The following LRRIQ3 variants were observed in gnomAD, a reference collection of about 807,000 sequenced individuals.
The protein encoded by LRRIQ3 is leucine-rich repeat and IQ domain-containing protein 3.
Under a neutral mutation model 59.3 loss-of-function variants are expected in LRRIQ3, and 75 were observed. The ratio of observed to expected loss-of-function variants is 1.26; its 90% CI spans 1.05 to 1.53. The LOEUF (loss-of-function observed/expected upper bound fraction) is 1.53. Among genes scored for constraint, LRRIQ3 ranks in the 40% most tolerant of loss-of-function variants. LRRIQ3 has a pLI of 0.00. For missense variants in LRRIQ3, 831 were observed against 710.0 expected (o/e 1.17, Z -1.94); for synonymous variants, 250 against 231.3 (o/e 1.08, Z -0.73).
At chr1:74,123,704 T>C (rs558920011) in intron 4 of LRRIQ3, among the ~76,000 whole-genome samples, 5 of 152,160 alleles carry the variant, frequency 3.3e-5, no homozygotes, top group African/African-American at 9.6e-5. Context: ...CATTCATTCA[T>C]TTGTTGATGG....
chr1:74,150,848 T>C (rs998703683), intron 4 of LRRIQ3, among the ~76,000 whole-genome samples: 12 of 152,042 alleles, frequency 7.9e-5, no homozygotes, highest in African/African-American at 2.9e-4. Context: ...TACTTATATA[T>C]CCAAGTTCCC....
At chr1:74,175,778 T>C (rs1241470688) in intron 3 of LRRIQ3, among the ~76,000 whole-genome samples, 1 of 152,158 alleles carries the variant, frequency 6.6e-6, no homozygotes, top group Non-Finnish European at 1.5e-5. Context: ...TATATTGTTT[T>C]TGTATATCTC....
intron 3 of LRRIQ3, among the ~76,000 whole-genome samples, chr1:74,168,540 ATC>A (rs1649134490): frequency 6.6e-6 from 1 of 152,078 alleles, no homozygotes; most frequent in Non-Finnish European, 1.5e-5. Flanking sequence ...CAATTTGCCA[ATC>A]TCTTTCTTAT....
chr1:74,077,871 A>T (rs1234711586), intron 5 of LRRIQ3, among the ~76,000 whole-genome samples: 1 of 151,960 alleles, frequency 6.6e-6, no homozygotes, highest in Non-Finnish European at 1.5e-5. Context: ...TTGAGCTCAT[A>T]GAGAAGGAAA....
At chr1:74,193,839 C>T (rs1650926798) in intron 1 of LRRIQ3, among the ~76,000 whole-genome samples, 3 of 151,848 alleles carry the variant, frequency 2.0e-5, no homozygotes, top group Admixed American at 2.0e-4. Flanking sequence ...CAGCTGTTAT[C>T]TGCATATAAA....
intron 5 of LRRIQ3, among the ~76,000 whole-genome samples, chr1:74,080,355 A>G (rs957968445): frequency 6.6e-6 from 1 of 151,740 alleles, no homozygotes; most frequent in Non-Finnish European, 1.5e-5. Flanking sequence ...GAGGAGCTAT[A>G]GAACTCTCCA....
chr1:74,149,015 T>G (rs572709640), intron 4 of LRRIQ3, among the ~76,000 whole-genome samples: 19 of 136,274 alleles, frequency 1.4e-4, no homozygotes, highest in Non-Finnish European at 3.0e-4. Flanking sequence ...TAATGTTAAA[T>G]TAACCTTGTA....
At chr1:74,030,252 A>G (rs997271487) in intron 7 of LRRIQ3, among the ~76,000 whole-genome samples, 3 of 151,968 alleles carry the variant, frequency 2.0e-5, no homozygotes, top group African/African-American at 7.3e-5. Flanking sequence ...CTTTCTTGGA[A>G]AAAACTACTT....
chr1:74,135,533 A>T (rs1236211287), intron 4 of LRRIQ3, among the ~76,000 whole-genome samples: 1 of 151,978 alleles, frequency 6.6e-6, no homozygotes, highest in Admixed American at 6.6e-5. Flanking sequence ...AATAATTGAA[A>T]TCAACAAAGT....
chr1:74,155,455 T>C (rs1211114283), intron 4 of LRRIQ3, among the ~76,000 whole-genome samples: 2 of 152,210 alleles, frequency 1.3e-5, no homozygotes, highest in Non-Finnish European at 2.9e-5. Context: ...GTATGTTCCA[T>C]GTTTTATATT....
intron 5 of LRRIQ3, among the ~76,000 whole-genome samples, chr1:74,078,936 C>T (rs954635775): frequency 6.6e-6 from 1 of 151,810 alleles, no homozygotes. Context: ...TTTAACCCTT[C>T]TTCTGAAACC....
chr1:74,061,567 C>T (rs536245383), intron 6 of LRRIQ3, among the ~76,000 whole-genome samples: 1 of 152,058 alleles, frequency 6.6e-6, no homozygotes, highest in African/African-American at 2.4e-5. Context: ...AATGAAAACT[C>T]GACCACTTCC....
intron 4 of LRRIQ3, among the ~76,000 whole-genome samples, chr1:74,130,499 T>C (rs1646998157): frequency 6.6e-6 from 1 of 152,124 alleles, no homozygotes; most frequent in Non-Finnish European, 1.5e-5. Context: ...AGGGTGATGT[T>C]GGCAATTAAG....
At chr1:74,102,559 T>C (rs994079242) in intron 5 of LRRIQ3, among the ~76,000 whole-genome samples, 1 of 152,028 alleles carries the variant, frequency 6.6e-6, no homozygotes, top group African/African-American at 2.4e-5. Flanking sequence ...AAAAGCAGGA[T>C]GGAGGTTCTT....
At chr1:74,189,764 C>T (rs933290389) in intron 1 of LRRIQ3, among the ~76,000 whole-genome samples, 12 of 152,064 alleles carry the variant, frequency 7.9e-5, no homozygotes, top group Non-Finnish European at 1.6e-4. Flanking sequence ...TGTCTGCTGC[C>T]ATGTAAGATG....
chr1:74,108,001 TG>T (rs1448373361), intron 5 of LRRIQ3, among the ~76,000 whole-genome samples: 1 of 151,710 alleles, frequency 6.6e-6, no homozygotes, highest in Non-Finnish European at 1.5e-5. Flanking sequence ...ACCTTGACAA[TG>T]GTACATTTTA....
chr1:74,041,347 C>CA lies in LRRIQ3; in HGVS notation c.1583dup (p.Leu528PhefsTer7). 1 of 1,613,828 alleles carries CA rather than the reference C, an allele frequency of 6.2e-7. No homozygotes were observed. The highest frequency in any genetic ancestry group is 1.1e-5 in the South Asian group (1 of 91,062). On this transcript the variant is annotated frameshift_variant, in exon 7 of 8. Transcript: ENST00000354431. LOFTEE classifies it high-confidence loss of function. The stretch of plus-strand genomic sequence containing the variant: ...TGTCAATTTTAAGTAGTCCTCTGGT[C>CA]AAAAGAGTGCGCTCATTATTTAAGT...
chr1:74,031,579 A>C (rs1395788160), intron 7 of LRRIQ3, among the ~76,000 whole-genome samples: 1 of 138,252 alleles, frequency 7.2e-6, no homozygotes, highest in African/African-American at 2.7e-5. Flanking sequence ...ACTTGAACAC[A>C]GGAAGGGGAA....
chr1:74,182,509 T>C lies in LRRIQ3; in HGVS notation c.573+29A>G, dbSNP rs1337638634. 7 of 1,399,596 alleles carry C rather than the reference T, an allele frequency of 5.0e-6. No individual in the cohort carries two copies. In the East Asian group the frequency reaches 1.7e-4, roughly 34 times the overall value. The allele number at this position is 1,399,596 out of a possible 1,614,324, so 86.7% of individuals were successfully genotyped here. A position where few individuals can be genotyped will look rare whatever the true frequency, so the allele number is the denominator to read the frequency against. On this transcript the variant is annotated intron_variant, in intron 3 of 7. Transcript: ENST00000354431. ...AAAATTTCCCTTTTATACATTTAAT[T>C]AAAATGAAACCCTAAAGAAGCCAAT... is the stretch of plus-strand genomic sequence containing the variant.
Sources: gnomAD v4.1 joint callset for allele counts (sites outside exome capture counted in the v4.1 genomes callset) on GRCh38, gnomAD v4.1.1 for gene constraint, MANE v1.5 for transcripts, NCBI Gene and HGNC (gene_info 2026-07-23, HGNC 2026-07-21) for gene names.